Variants in MCC observed in about 807,000 individuals in gnomAD.
The protein encoded by MCC is colorectal mutant cancer protein.
In MCC, 90 loss-of-function variants were observed where a neutral mutation model predicts 116.2. The observed-to-expected ratio is 0.77, with a 90% CI of 0.65 to 0.92. The LOEUF (loss-of-function observed/expected upper bound fraction) is 0.92, where lower values mean the gene tolerates loss of function less well. Among genes scored for constraint, MCC ranks in the 40% least tolerant of loss-of-function variants. MCC has a pLI of 0.00. For synonymous variants in MCC, 578 were observed against 510.5 expected, an observed-to-expected ratio of 1.13 and a Z score of -1.78; for missense variants, 1,516 against 1,312.2, an observed-to-expected ratio of 1.16 and a Z score of -2.40.
chr5:113,430,257 C>G (rs1770592904), intron 1 of MCC, among the ~76,000 whole-genome samples: 3 of 152,222 alleles, frequency 2.0e-5, no homozygotes, highest in Admixed American at 2.0e-4. Flanking sequence ...CATGAATTAG[C>G]TCCACTGAGC....
At chr5:113,049,942 A>T (rs1169007467) in intron 15 of MCC, among the ~76,000 whole-genome samples, 4 of 152,250 alleles carry the variant, frequency 2.6e-5, no homozygotes, top group East Asian at 3.9e-4. Context: ...TATCCTAAGA[A>T]CTCAAATGAG....
chr5:113,120,410 T>A (rs1456553070), intron 6 of MCC, among the ~76,000 whole-genome samples: 5 of 152,202 alleles, frequency 3.3e-5, no homozygotes. Context: ...CAGCTCTCAA[T>A]GGCTTTGATG....
intron 1 of MCC, among the ~76,000 whole-genome samples, chr5:113,469,079 CTTT>C (rs1378606049): frequency 1.3e-5 from 2 of 152,054 alleles, no homozygotes; most frequent in East Asian, 1.9e-4. Context: ...CTCTTTTCTT[CTTT>C]ATTAGTCTTG....
intron 3 of MCC, among the ~76,000 whole-genome samples, chr5:113,269,706 T>C (rs1425172616): frequency 2.6e-5 from 4 of 152,174 alleles, no homozygotes; most frequent in Non-Finnish European, 5.9e-5. Context: ...AGGGCCTAAT[T>C]TACCTAGTTC....
intron 1 of MCC, among the ~76,000 whole-genome samples, chr5:113,439,935 C>T (rs1209436470): frequency 1.3e-5 from 2 of 152,072 alleles, no homozygotes; most frequent in Non-Finnish European, 2.9e-5. Flanking sequence ...CATGACCATA[C>T]CTCACTATAG....
chr5:113,072,018 G>T (rs951998812), intron 11 of MCC, among the ~76,000 whole-genome samples: 1 of 152,206 alleles, frequency 6.6e-6, no homozygotes, highest in African/African-American at 2.4e-5. Context: ...ATGAGTCTGT[G>T]GCAAAGTTAG....
At chr5:113,158,392 A>T (rs1450732503) in intron 3 of MCC, among the ~76,000 whole-genome samples, 1 of 152,214 alleles carries the variant, frequency 6.6e-6, no homozygotes, top group Non-Finnish European at 1.5e-5. Flanking sequence ...AATTTCATTG[A>T]ATACATATTT....
chr5:113,260,429 C>T (rs928321994), intron 3 of MCC, among the ~76,000 whole-genome samples: 5 of 151,976 alleles, frequency 3.3e-5, no homozygotes, highest in South Asian at 2.1e-4. Flanking sequence ...TGTTGCAATA[C>T]GGTGTTTAGG....
At chr5:113,354,767 T>G (rs115920200) in intron 2 of MCC, among the ~76,000 whole-genome samples, 4,862 of 147,644 alleles carry the variant, frequency 0.033, 107 homozygotes, top group East Asian at 0.076. Flanking sequence ...TGTACTATGA[T>G]CAACCATATA....
intron 6 of MCC, among the ~76,000 whole-genome samples, chr5:113,119,745 A>T (rs1757626418): frequency 6.6e-6 from 1 of 152,204 alleles, no homozygotes; most frequent in Non-Finnish European, 1.5e-5. Flanking sequence ...ACATGTGTCA[A>T]CACTGGGCAG....
chr5:113,317,495 G>A (rs1284837842), intron 3 of MCC, among the ~76,000 whole-genome samples: 4 of 152,194 alleles, frequency 2.6e-5, no homozygotes, highest in Non-Finnish European at 5.9e-5. Flanking sequence ...TCATACAGGT[G>A]TACCAGCAGT....
chr5:113,457,189 G>A (rs1197344949), intron 1 of MCC, among the ~76,000 whole-genome samples: 1 of 152,228 alleles, frequency 6.6e-6, no homozygotes, highest in Admixed American at 6.5e-5. Flanking sequence ...GCGCTTGCGG[G>A]CCAGCTGGAG....
intron 1 of MCC, among the ~76,000 whole-genome samples, chr5:113,412,328 T>C (rs1396364045): frequency 6.6e-6 from 1 of 152,206 alleles, no homozygotes; most frequent in Non-Finnish European, 1.5e-5. Context: ...GGTAGCTTGA[T>C]GGGGATGGCA....
intron 16 of MCC, among the ~76,000 whole-genome samples, chr5:113,047,141 G>C (rs1752146808): frequency 6.6e-6 from 1 of 152,096 alleles, no homozygotes; most frequent in Non-Finnish European, 1.5e-5. Flanking sequence ...CTCCCAAGTG[G>C]ACATTTGTGT....
intron 17 of MCC, among the ~76,000 whole-genome samples, chr5:113,036,084 G>T (rs1315824665): frequency 8.2e-6 from 1 of 121,326 alleles, no homozygotes; most frequent in Non-Finnish European, 1.6e-5. Context: ...CGCCCGGTCT[G>T]AAGTGCAGTG....
intron 6 of MCC, among the ~76,000 whole-genome samples, chr5:113,121,630 A>T (rs761586348): frequency 6.6e-6 from 1 of 152,210 alleles, no homozygotes; most frequent in Non-Finnish European, 1.5e-5. Context: ...TGTGTTCCAT[A>T]ATGTTGTAGC....
chr5:113,244,547 T>A (rs1215745573), intron 3 of MCC, among the ~76,000 whole-genome samples: 1 of 152,226 alleles, frequency 6.6e-6, no homozygotes, highest in Non-Finnish European at 1.5e-5. Flanking sequence ...AAATAACATT[T>A]CTAAATACAA....
At chr5:113,184,379 C>A (rs1761783373) in intron 3 of MCC, among the ~76,000 whole-genome samples, 1 of 151,798 alleles carries the variant, frequency 6.6e-6, no homozygotes, top group East Asian at 1.9e-4. Context: ...TAGAAAGATG[C>A]TGGAAGAAAA....
chr5:113,100,532 T>C (rs1581058653), intron 8 of MCC, among the ~76,000 whole-genome samples: 1 of 126,060 alleles, frequency 7.9e-6, no homozygotes, highest in Non-Finnish European at 1.6e-5. Flanking sequence ...AGTGCAGTGG[T>C]GCGATCTTGG....
Sources: allele counts gnomAD v4.1 joint callset (sites outside exome capture counted in the v4.1 genomes callset), GRCh38; gene constraint gnomAD v4.1.1; transcripts MANE v1.5; gene names NCBI Gene and HGNC (gene_info 2026-07-23, HGNC 2026-07-21).